Variants in STARD13 observed in about 807,000 individuals in gnomAD.
STARD13 encodes the protein StAR related lipid transfer domain containing 13, also known as stAR-related lipid transfer protein 13.
A neutral mutation model predicts 106.4 loss-of-function variants in STARD13; 62 were observed. That is an observed-to-expected ratio of 0.58 (90% confidence interval 0.48 to 0.72). STARD13 has a LOEUF of 0.72. Ranked by LOEUF, STARD13 falls within the 30% of genes least tolerant of loss-of-function variation. The pLI, the probability that STARD13 is intolerant of heterozygous loss-of-function variation, is 0.00. For synonymous variants in STARD13, 565 were observed against 553.0 expected (o/e 1.02, Z -0.31); for missense variants, 1,387 against 1,424.0 (o/e 0.97, Z 0.42).
intron 1 of STARD13, among the ~76,000 whole-genome samples, chr13:33,204,552 A>G (rs2138110252): frequency 6.6e-6 from 1 of 152,328 alleles, no homozygotes; most frequent in South Asian, 2.1e-4. Flanking sequence ...TAGAAACCAT[A>G]TGGTTGTCAG....
At chr13:33,294,850 A>T (rs1356365514) in intron 1 of STARD13, among the ~76,000 whole-genome samples, 1 of 152,146 alleles carries the variant, frequency 6.6e-6, no homozygotes, top group Non-Finnish European at 1.5e-5. Flanking sequence ...TTGAATATGA[A>T]ATGAACACTT....
At chr13:33,417,336 A>T in the STARD13 span, among the ~76,000 whole-genome samples, 1 of 152,232 alleles carries the variant, frequency 6.6e-6, no homozygotes, top group African/African-American at 2.4e-5. Flanking sequence ...AATGTTAAAC[A>T]CAGAATTACC....
At chr13:33,665,262 C>T in the STARD13 span, among the ~76,000 whole-genome samples, 2 of 152,180 alleles carry the variant, frequency 1.3e-5, no homozygotes, top group African/African-American at 2.4e-5. Context: ...GCAATTTATG[C>T]AATAAATTTT....
At chr13:33,206,345 A>G (rs1031615150) in intron 1 of STARD13, among the ~76,000 whole-genome samples, 1 of 148,314 alleles carries the variant, frequency 6.7e-6, no homozygotes, top group African/African-American at 2.5e-5. Flanking sequence ...ATAAGACTCG[A>G]AAGAAGATGC....
At chr13:33,113,663 G>A (rs886645458) in intron 8 of STARD13, 5 of 459,994 alleles carry the variant, frequency 1.1e-5, no homozygotes, top group Admixed American at 2.3e-5. Flanking sequence ...GCTGTGCTTG[G>A]AGAAGAAGAA....
the STARD13 span, among the ~76,000 whole-genome samples, chr13:33,672,101 AG>A: frequency 0.012 from 1,824 of 152,376 alleles, 22 homozygotes; most frequent in Non-Finnish European, 0.019. Flanking sequence ...ACAATATCAA[AG>A]ACTTGGAACC....
intron 1 of STARD13, among the ~76,000 whole-genome samples, chr13:33,324,286 C>G (rs553386293): frequency 5.4e-4 from 82 of 152,164 alleles, no homozygotes; most frequent in Non-Finnish European, 5.6e-4. Context: ...GGTGCAGACT[C>G]TCATCAAAAT....
the STARD13 span, among the ~76,000 whole-genome samples, chr13:33,450,117 T>C: frequency 6.6e-6 from 1 of 152,224 alleles, no homozygotes. Flanking sequence ...CTTCCAGGAC[T>C]ATGTTCAATA....
chr13:33,149,949 C>G (rs1363434493), intron 3 of STARD13, among the ~76,000 whole-genome samples: 2 of 152,182 alleles, frequency 1.3e-5, no homozygotes, highest in Non-Finnish European at 2.9e-5. Context: ...TTCAGATAAT[C>G]TGAGTTGGTC....
chr13:33,454,545 A>C, the STARD13 span, among the ~76,000 whole-genome samples: 53 of 152,342 alleles, frequency 3.5e-4, no homozygotes, highest in East Asian at 9.1e-3. Flanking sequence ...AGATTTAATA[A>C]ATTGCCAAAG....
At chr13:33,107,050 A>AGTCACTAGCATTGGAATC in intron 12 of STARD13, 116 bp from the exon 13 acceptor site, 1 of 950,974 alleles carries the variant, frequency 1.1e-6, no homozygotes, top group Non-Finnish European at 1.6e-6. Context: ...TCAGATTCCA[A>AGTCACTAGCATTGGAATC]TGCTAGTGAC....
the STARD13 span, among the ~76,000 whole-genome samples, chr13:33,603,528 T>C: frequency 6.6e-6 from 1 of 152,176 alleles, no homozygotes; most frequent in Non-Finnish European, 1.5e-5. Context: ...GATTGCTCTC[T>C]TCCTGGCTAG....
chr13:33,630,507 G>A, the STARD13 span, among the ~76,000 whole-genome samples: 2 of 150,584 alleles, frequency 1.3e-5, no homozygotes, highest in Admixed American at 6.6e-5. Flanking sequence ...CGTACCTTGC[G>A]TGCAGAGATT....
chr13:33,165,514 T>A (rs973760256), intron 2 of STARD13, 96 bp from the exon 3 acceptor site: 1 of 884,738 alleles, frequency 1.1e-6, no homozygotes, highest in Non-Finnish European at 1.8e-6. Context: ...CCACTGATTT[T>A]AATAGCAGTG....
At chr13:33,169,639 GT>G (rs1883718223) in intron 1 of STARD13, among the ~76,000 whole-genome samples, 1 of 152,142 alleles carries the variant, frequency 6.6e-6, no homozygotes, top group African/African-American at 2.4e-5. Flanking sequence ...GCCTTTTTCT[GT>G]TTTATTATTA....
At chr13:33,443,267 C>G in the STARD13 span, among the ~76,000 whole-genome samples, 4 of 151,794 alleles carry the variant, frequency 2.6e-5, no homozygotes, top group Non-Finnish European at 5.9e-5. Context: ...GTTCCAGCTA[C>G]TCGGGAGGCT....
the STARD13 span, among the ~76,000 whole-genome samples, chr13:33,388,756 C>T: frequency 6.6e-6 from 1 of 152,156 alleles, no homozygotes; most frequent in Non-Finnish European, 1.5e-5. Context: ...ACCAACGTTA[C>T]TCAGATTAGC....
At chr13:33,510,836 T>G in the STARD13 span, among the ~76,000 whole-genome samples, 1 of 152,146 alleles carries the variant, frequency 6.6e-6, no homozygotes, top group Non-Finnish European at 1.5e-5. Flanking sequence ...TAAGCCCTGG[T>G]TTTCCAAATT....
At chr13:33,526,272 C>T in the STARD13 span, among the ~76,000 whole-genome samples, 19,055 of 151,808 alleles carry the variant, frequency 0.13, 1,276 homozygotes, top group African/African-American at 0.17. Flanking sequence ...CTGGTGTTTT[C>T]TTTGGTATTT....
Sources: allele counts gnomAD v4.1 joint callset (sites outside exome capture counted in the v4.1 genomes callset), GRCh38; gene constraint gnomAD v4.1.1; transcripts MANE v1.5; gene names NCBI Gene and HGNC (gene_info 2026-07-23, HGNC 2026-07-21).